The following HSPBAP1 variants were observed in gnomAD, a reference collection of about 807,000 sequenced individuals.
HSPBAP1 encodes HSPB1-associated protein 1.
A neutral mutation model predicts 45.2 loss-of-function variants in HSPBAP1; 27 were observed. The observed-to-expected ratio is 0.60, with a 90% CI of 0.44 to 0.82. HSPBAP1 has a LOEUF of 0.82. Among genes scored for constraint, HSPBAP1 ranks in the 40% least tolerant of loss-of-function variants. HSPBAP1 has a pLI of 0.00. For missense variants in HSPBAP1, 510 were observed against 590.9 expected, an observed-to-expected ratio of 0.86 and a Z score of 1.42; for synonymous variants, 204 against 202.7, an observed-to-expected ratio of 1.01 and a Z score of -0.06.
At chr3:122,756,851 G>GT (rs1934374490) in intron 4 of HSPBAP1, among the ~76,000 whole-genome samples, 1 of 152,156 alleles carries the variant, frequency 6.6e-6, no homozygotes, top group Non-Finnish European at 1.5e-5. Flanking sequence ...CCATTCCACT[G>GT]TATGATTAGT....
chr3:122,742,560 A>G (rs1398773421), intron 6 of HSPBAP1, among the ~76,000 whole-genome samples: 3 of 152,222 alleles, frequency 2.0e-5, no homozygotes, highest in Non-Finnish European at 2.9e-5. Context: ...CAAGGTGGCT[A>G]GACAATAGCA....
At chr3:122,784,158 A>G (rs546502586) in intron 1 of HSPBAP1, among the ~76,000 whole-genome samples, 73 of 152,234 alleles carry the variant, frequency 4.8e-4, no homozygotes, top group African/African-American at 1.8e-3. Flanking sequence ...AAAATAATCA[A>G]TATACCAAAG....
At chr3:122,742,934 G>A (rs949541799) in intron 6 of HSPBAP1, among the ~76,000 whole-genome samples, 1 of 151,996 alleles carries the variant, frequency 6.6e-6, no homozygotes, top group South Asian at 2.1e-4. Context: ...CTACATTTAC[G>A]TACATGTAGA....
intron 6 of HSPBAP1, among the ~76,000 whole-genome samples, chr3:122,750,830 T>C (rs934190411): frequency 6.6e-6 from 1 of 152,130 alleles, no homozygotes; most frequent in African/African-American, 2.4e-5. Flanking sequence ...CAGCTTGAAG[T>C]TTCACTAAAA....
intron 1 of HSPBAP1, among the ~76,000 whole-genome samples, chr3:122,782,976 C>G (rs1204372534): frequency 6.6e-6 from 1 of 152,198 alleles, no homozygotes; most frequent in Non-Finnish European, 1.5e-5. Context: ...TCAGCAGGCT[C>G]TAAGCCCTTG....
intron 6 of HSPBAP1, among the ~76,000 whole-genome samples, chr3:122,746,438 T>A (rs928349057): frequency 6.9e-6 from 1 of 144,118 alleles, no homozygotes; most frequent in East Asian, 2.0e-4. Context: ...CCTCACTAAA[T>A]AAATAGGCAG....
chr3:122,765,679 T>C (rs1386668688), intron 3 of HSPBAP1, among the ~76,000 whole-genome samples: 2 of 151,798 alleles, frequency 1.3e-5, no homozygotes, highest in East Asian at 3.9e-4. Flanking sequence ...TATTAACAAA[T>C]GTGACTTTTT....
rs760358039 is a variant in HSPBAP1, at chr3:122,793,666, G to C, written c.15C>G (p.Ser5=). 1.9e-6 allele frequency: 3 copies of C among 1,613,824 alleles called. No individual in the cohort carries two copies. The East Asian group carries it at 6.7e-5, about 36-fold the overall frequency. The stretch of plus-strand genomic sequence containing the variant: ...CAACGATCACAGGAGTGGTCGCCTC[G>C]GAGCCTGCTGCCATGGCTACCGCAA... MAAG[S]EATTPVIVAA... is the part of the protein sequence containing the mutation. Residue 5 remains serine, a synonymous_variant, in exon 1 of 8, where the codon TCC becomes TCG. Transcript: ENST00000306103.
chr3:122,751,020 A>G (rs1253099766), intron 6 of HSPBAP1, among the ~76,000 whole-genome samples: 2 of 152,246 alleles, frequency 1.3e-5, no homozygotes, highest in Non-Finnish European at 2.9e-5. Context: ...AAAATCACAG[A>G]TATTTTAAAG....
chr3:122,780,498 G>A (rs1180251462), intron 1 of HSPBAP1, among the ~76,000 whole-genome samples: 2 of 131,262 alleles, frequency 1.5e-5, no homozygotes, highest in African/African-American at 6.5e-5. Flanking sequence ...GCAGCTGGCC[G>A]GGCGGGGGCT....
intron 6 of HSPBAP1, among the ~76,000 whole-genome samples, chr3:122,744,609 A>G (rs879849565): frequency 3.9e-5 from 6 of 152,250 alleles, no homozygotes; most frequent in African/African-American, 1.2e-4. Flanking sequence ...TTGGTGAAGG[A>G]CAGAAATCAT....
At chr3:122,750,007 G>A (rs1446339789) in intron 6 of HSPBAP1, among the ~76,000 whole-genome samples, 7 of 147,054 alleles carry the variant, frequency 4.8e-5, no homozygotes, top group Admixed American at 1.4e-4. Flanking sequence ...ACAGAGACTC[G>A]CTCTGTTGCC....
At chr3:122,789,095 T>C (rs1013501136) in intron 1 of HSPBAP1, among the ~76,000 whole-genome samples, 5 of 152,242 alleles carry the variant, frequency 3.3e-5, no homozygotes, top group African/African-American at 1.2e-4. Context: ...GACTTTTGCT[T>C]TTCTTTAAAC....
chr3:122,741,390 C>A, intron 6 of HSPBAP1: 1 of 351,014 alleles, frequency 2.8e-6, no homozygotes, highest in Non-Finnish European at 5.2e-6. Flanking sequence ...TTTCTCCAAT[C>A]TTTTCCATTA....
chr3:122,791,211 T>C (rs1411867570), intron 1 of HSPBAP1, among the ~76,000 whole-genome samples: 1 of 152,234 alleles, frequency 6.6e-6, no homozygotes, highest in African/African-American at 2.4e-5. Flanking sequence ...GCCAAAGTGA[T>C]CTTCCTACAA....
At chr3:122,765,773 G>A (rs1934757424) in intron 3 of HSPBAP1, among the ~76,000 whole-genome samples, 1 of 152,022 alleles carries the variant, frequency 6.6e-6, no homozygotes, top group Admixed American at 6.5e-5. Context: ...TTTTCCAAAT[G>A]GTCCATGAAT....
intron 2 of HSPBAP1, 66 bp from the exon 3 acceptor site, chr3:122,768,948 T>TA (rs1399267839): frequency 3.1e-4 from 347 of 1,134,316 alleles, no homozygotes; most frequent in Non-Finnish European, 3.9e-4. Flanking sequence ...TGTTTTTTTT[T>TA]TAAAATAAAG....
rs72966395 is a variant in HSPBAP1 at position 122,774,125 on chromosome 3, G to A, written c.250+3596C>T. 8.4e-3 allele frequency among the ~76,000 whole-genome samples: 1,284 copies of A among 152,306 alleles called. 13 individuals are homozygous for A. Among genetic ancestry groups the A allele is most frequent in the African/African-American group, 0.028 (1,180 of 41,558 alleles). ...TTAGGTGCTCAGCCCATGATGAGACGTGGCCCTTGCCCTCACAGAAGTGAC... is the reference window on the plus strand; with the variant it reads ...TTAGGTGCTCAGCCCATGATGAGACATGGCCCTTGCCCTCACAGAAGTGAC... On this transcript the variant is annotated intron_variant, in intron 2 of 7. Coordinates refer to ENST00000306103, the MANE Select transcript of HSPBAP1 (RefSeq NM_024610.6).
At position 122,768,760 on chromosome 3, in the gene HSPBAP1, C is replaced by A. The variant is rs774728550; in HGVS notation, c.373G>T (p.Ala125Ser). The A allele has an allele frequency of 7.4e-6, 12 of 1,612,788 alleles. No homozygotes were observed. Among genetic ancestry groups the A allele is most frequent in the Non-Finnish European group, 1.0e-5 (12 of 1,178,958 alleles). The change falls in exon 3 of 8, where the codon GCT (alanine) becomes TCT (serine). Residue 125 changes from alanine to serine, a missense_variant. Ala to Ser is a moderately conservative substitution (Grantham distance 99). Transcript: ENST00000306103. The stretch of plus-strand genomic sequence containing the variant: ...ACAAAATATTTATAGTCAGCATAAG[C>A]CCAGAACTTGGAATGGTCATAATCT... ...FRDYDHSKFW[A>S]YADYKYFVSL...
Sources: allele counts gnomAD v4.1 joint callset (sites outside exome capture counted in the v4.1 genomes callset), GRCh38; gene constraint gnomAD v4.1.1; transcripts MANE v1.5; gene names NCBI Gene and HGNC (gene_info 2026-07-23, HGNC 2026-07-21).